C3orf33: variants seen among roughly 807,000 people sequenced by gnomAD.
C3orf33 encodes mitochondrial inner membrane subdomain organizer 1, also known as AP-1 activity suppressor.
Under a neutral mutation model 28.7 loss-of-function variants are expected in C3orf33, and 23 were observed. The ratio of observed to expected loss-of-function variants is 0.80; its 90% CI spans 0.58 to 1.13. The LOEUF (loss-of-function observed/expected upper bound fraction) is 1.13. Among genes scored for constraint, C3orf33 ranks in the 50% most tolerant of loss-of-function variants. C3orf33 has a pLI of 0.00. For missense variants in C3orf33, 327 were observed against 353.4 expected (o/e 0.93, Z 0.60); for synonymous variants, 119 against 120.5 (o/e 0.99, Z 0.08).
chr3:155,764,256 A>G (rs574413422), intron 4 of C3orf33, among the ~76,000 whole-genome samples: 89 of 152,174 alleles, frequency 5.8e-4, no homozygotes, highest in Non-Finnish European at 1.1e-3. Context: ...GACACCCAAG[A>G]TAGGCAGAGT....
At chr3:155,780,377 C>A (rs1256022468) in intron 2 of C3orf33, among the ~76,000 whole-genome samples, 1 of 152,224 alleles carries the variant, frequency 6.6e-6, no homozygotes, top group Non-Finnish European at 1.5e-5. Flanking sequence ...CATTTACTAG[C>A]TGGATGATCT....
At position 155,763,582 on chromosome 3, in the gene C3orf33, T is replaced by C; in HGVS notation, c.820A>G (p.Asn274Asp). Reference sequence around the variant, plus strand: ...CTGAACTTCAGTATTAAGGAGCAGTTGTTCATGTTGTCTTTCCATATTTCA... The same window carrying C: ...CTGAACTTCAGTATTAAGGAGCAGTCGTTCATGTTGTCTTTCCATATTTCA... ...TYEIWKDNMN[N>D]CSLILKFREL... Residue 274 changes from asparagine to aspartate, a missense_variant, in exon 5 of 5, where the codon AAC becomes GAC. Coordinates refer to ENST00000340171, the MANE Select transcript of C3orf33 (RefSeq NM_001308229.2). The C allele has an allele frequency of 6.3e-7, 1 of 1,575,678 alleles. No homozygotes were observed. The highest frequency in any genetic ancestry group is 8.5e-7 in the Non-Finnish European group (1 of 1,170,100).
chr3:155,805,695 A>G (rs1407409546), intron 1 of C3orf33: 1 of 455,656 alleles, frequency 2.2e-6, no homozygotes, highest in African/African-American at 2.0e-5. Flanking sequence ...ACTGCACTCC[A>G]GCTTGGGCCA....
chr3:155,769,880 C>CT (rs1750529765), intron 3 of C3orf33, among the ~76,000 whole-genome samples: 1 of 152,232 alleles, frequency 6.6e-6, no homozygotes, highest in South Asian at 2.1e-4. Context: ...ATTTGGTGCT[C>CT]TTTCCTCTGA....
chr3:155,786,050 G>A (rs983722989), intron 2 of C3orf33, among the ~76,000 whole-genome samples: 1 of 138,354 alleles, frequency 7.2e-6, no homozygotes, highest in Admixed American at 6.9e-5. Context: ...AAGGAAAAAG[G>A]AAAAGGAAAG....
intron 2 of C3orf33, among the ~76,000 whole-genome samples, chr3:155,778,273 T>A (rs1750814745): frequency 6.6e-6 from 1 of 152,114 alleles, no homozygotes; most frequent in Admixed American, 6.6e-5. Context: ...ATAAAGGACC[T>A]TTTTTAGAAA....
chr3:155,778,949 T>C (rs1234925390), intron 2 of C3orf33, among the ~76,000 whole-genome samples: 2 of 152,164 alleles, frequency 1.3e-5, no homozygotes, highest in African/African-American at 4.8e-5. Context: ...TCAGGATAAG[T>C]ATTCAAAAAG....
chr3:155,788,045 G>C (rs1291831118), intron 2 of C3orf33, among the ~76,000 whole-genome samples: 1 of 151,850 alleles, frequency 6.6e-6, no homozygotes, highest in Admixed American at 6.6e-5. Context: ...CAAAAAATTA[G>C]CCGGGCGTGG....
At chr3:155,768,369 A>C (rs1466405074) in intron 3 of C3orf33, among the ~76,000 whole-genome samples, 6 of 152,250 alleles carry the variant, frequency 3.9e-5, no homozygotes, top group Admixed American at 3.9e-4. Flanking sequence ...TATTGAAGAT[A>C]TCTTCCAATC....
Position 155,802,495 on chromosome 3 carries a change from C to G in C3orf33, c.174+37G>C, listed in dbSNP as rs577467931. On this transcript the variant is annotated intron_variant, in intron 2 of 4. Coordinates refer to ENST00000340171, the MANE Select transcript of C3orf33 (RefSeq NM_001308229.2). ...GTCTGAAATGGAAATAAACTACCTACGGCTTGTTGTAATGTCTTTTTCATT... is the reference window on the plus strand; with the variant it reads ...GTCTGAAATGGAAATAAACTACCTAGGGCTTGTTGTAATGTCTTTTTCATT... 12 of 1,500,556 alleles carry G rather than the reference C, an allele frequency of 8.0e-6. No homozygotes were observed. The South Asian group carries it at 1.3e-4, about 16-fold the overall frequency. 93.0% of individuals were successfully genotyped at this position (1,500,556 alleles called of 1,614,324 possible). A position where few individuals can be genotyped will look rare whatever the true frequency, so the allele number is the denominator to read the frequency against.
chr3:155,805,779 A>G, intron 1 of C3orf33: 1 of 495,766 alleles, frequency 2.0e-6, no homozygotes. Context: ...CCCAAGGCGT[A>G]CAGGACTTCC....
intron 4 of C3orf33, among the ~76,000 whole-genome samples, chr3:155,765,121 C>T (rs570320232): frequency 6.6e-6 from 1 of 152,286 alleles, no homozygotes; most frequent in East Asian, 1.9e-4. Flanking sequence ...AATTATCACT[C>T]TATGTGTATA....
chr3:155,789,664 A>G (rs1751251095), intron 2 of C3orf33, among the ~76,000 whole-genome samples: 1 of 152,164 alleles, frequency 6.6e-6, no homozygotes, highest in Non-Finnish European at 1.5e-5. Context: ...TACCCAAAAT[A>G]ATTTTGAGAA....
chr3:155,763,884 A>G lies in C3orf33; in HGVS notation c.518T>C (p.Ile173Thr). The G allele has an allele frequency of 6.7e-7, 1 of 1,494,484 alleles. No individual in the cohort carries two copies. Among genetic ancestry groups the G allele is most frequent in the African/African-American group, 1.4e-5 (1 of 70,140 alleles). 92.6% of individuals were successfully genotyped at this position (1,494,484 alleles called of 1,614,324 possible). Residue 173 changes from isoleucine to threonine, a missense_variant, in exon 5 of 5, where the codon ATT (isoleucine) becomes ACT (threonine). Physicochemically the swap from Ile to Thr is moderately conservative, Grantham distance 89 (BLOSUM62 -1). Coordinates refer to ENST00000340171, the MANE Select transcript of C3orf33 (RefSeq NM_001308229.2). ...AGTTTTGCCAAGGCCTCTTCTCAAA[A>G]TTTCTTCATTCAGATTCACGCTGAA... ...GYFSVNLNEEILRRGLGKTVL... is the reference protein window; with the variant it reads ...GYFSVNLNEETLRRGLGKTVL...
chr3:155,800,596 T>A (rs993214863), intron 2 of C3orf33, among the ~76,000 whole-genome samples: 9 of 91,474 alleles, frequency 9.8e-5, no homozygotes, highest in South Asian at 3.7e-4. Context: ...GTCAACAGAG[T>A]GAGACCTTAT....
intron 3 of C3orf33, among the ~76,000 whole-genome samples, chr3:155,773,540 G>A (rs925565800): frequency 6.6e-6 from 1 of 152,164 alleles, no homozygotes; most frequent in Non-Finnish European, 1.5e-5. Context: ...AGAAAAGTGG[G>A]AATTTAAGGA....
intron 2 of C3orf33, among the ~76,000 whole-genome samples, chr3:155,792,898 G>A (rs1751357590): frequency 1.3e-5 from 2 of 151,980 alleles, no homozygotes; most frequent in African/African-American, 4.8e-5. Context: ...GAGAGATAGG[G>A]GTAGAAAGTT....
chr3:155,784,544 A>G lies in C3orf33; in HGVS notation c.175-8696T>C, dbSNP rs189382016. On this transcript the variant is annotated intron_variant, in intron 2 of 4. Coordinates refer to ENST00000340171, the MANE Select transcript of C3orf33 (RefSeq NM_001308229.2). Reference sequence around the variant, plus strand: ...CACTTGAGGCCAGGAGTTCGAGACCAGCCTGGCCAACATGGTGAAACCCTG... The same window carrying G: ...CACTTGAGGCCAGGAGTTCGAGACCGGCCTGGCCAACATGGTGAAACCCTG... 3.6e-3 allele frequency among the ~76,000 whole-genome samples: 548 copies of G among 152,090 alleles called. 1 individual carries two copies. The highest frequency in any genetic ancestry group is 6.4e-3 in the South Asian group (31 of 4,822).
chr3:155,767,258 A>G (rs1346599850), intron 4 of C3orf33, among the ~76,000 whole-genome samples: 1 of 151,954 alleles, frequency 6.6e-6, no homozygotes, highest in Non-Finnish European at 1.5e-5. Flanking sequence ...CTAAAAAATA[A>G]TAATAATAAA....
Sources: gnomAD v4.1 joint callset for allele counts (sites outside exome capture counted in the v4.1 genomes callset) on GRCh38, gnomAD v4.1.1 for gene constraint, MANE v1.5 for transcripts, NCBI Gene and HGNC (gene_info 2026-07-23, HGNC 2026-07-21) for gene names.